The following PFKFB3 variants were observed in gnomAD, a reference collection of about 807,000 sequenced individuals.
The protein encoded by PFKFB3 is 6-phosphofructo-2-kinase/fructose-2,6-bisphosphatase 3.
PFKFB3 carries 33 observed loss-of-function variants against 68.0 expected under a neutral mutation model. That is an observed-to-expected ratio of 0.49 (90% CI 0.37 to 0.65). The LOEUF (loss-of-function observed/expected upper bound fraction) is 0.65. Ranked by LOEUF, PFKFB3 falls within the 30% of genes least tolerant of loss-of-function variation. PFKFB3 has a pLI of 0.00. For missense variants in PFKFB3, 586 were observed against 712.2 expected (o/e 0.82, Z 2.02); for synonymous variants, 315 against 288.2 (o/e 1.09, Z -0.94).
chr10:6,311,782 T>C, the PFKFB3 span, among the ~76,000 whole-genome samples: 1 of 151,978 alleles, frequency 6.6e-6, no homozygotes, highest in African/African-American at 2.4e-5. Context: ...AGAAAATGCT[T>C]TGTAAAGGCA....
chr10:6,311,495 G>A, the PFKFB3 span, among the ~76,000 whole-genome samples: 2 of 141,738 alleles, frequency 1.4e-5, no homozygotes, highest in African/African-American at 5.0e-5. Context: ...GGCTCTCTGG[G>A]CCCAGCACTC....
downstream of PFKFB3, among the ~76,000 whole-genome samples, chr10:6,256,616 G>C (rs1315999184): frequency 6.6e-6 from 1 of 152,200 alleles, no homozygotes; most frequent in African/African-American, 2.4e-5. Context: ...TTCATTCATT[G>C]CCCTGGAAAG....
At chr10:6,305,005 A>ATTTTTTTTTTTTTTTTTTTTTTTTTTTTT in the PFKFB3 span, among the ~76,000 whole-genome samples, 2 of 14,514 alleles carry the variant, frequency 1.4e-4, no homozygotes, top group African/African-American at 3.6e-4. Context: ...AATATTAGGA[A>ATTTTTTTTTTTTTTTTTTTTTTTTTTTTT]TTTTTTTTTT....
downstream of PFKFB3, among the ~76,000 whole-genome samples, chr10:6,240,197 G>A (rs184807796): frequency 5.8e-4 from 89 of 152,262 alleles, no homozygotes; most frequent in Middle Eastern, 3.4e-3. Flanking sequence ...TTTCTTACAT[G>A]TACAAGAAAG....
At position 6,220,964 on chromosome 10, in the gene PFKFB3, T is replaced by A; in HGVS notation, c.831+99T>A. 2 of 1,171,342 alleles carry A rather than the reference T, an allele frequency of 1.7e-6. No individual in the cohort carries two copies. The highest frequency in any genetic ancestry group is 1.2e-5 in the South Asian group (1 of 81,404). 72.6% of individuals were successfully genotyped at this position (1,171,342 alleles called of 1,614,324 possible). ...TGTGTGCTGCTGCTGCTGCTGCTGC[T>A]GCTGCTTGGTGTGCTTGCTGTGTGT... On this transcript the variant is annotated intron_variant, in intron 8 of 14. Transcript: ENST00000379775. The surrounding 1 kb of genome is among the most constrained non-coding windows in gnomAD (Gnocchi z 4.1).
intron 1 of PFKFB3, among the ~76,000 whole-genome samples, chr10:6,170,698 G>A (rs76331212): frequency 3.3e-5 from 1 of 30,166 alleles, no homozygotes; most frequent in Non-Finnish European, 2.3e-4. Context: ...ATGGAGGTGG[G>A]GACAGGGTAT....
intron 13 of PFKFB3, chr10:6,225,231 A>C (rs1845260941): frequency 2.2e-6 from 1 of 456,100 alleles, no homozygotes; most frequent in African/African-American, 2.0e-5. Flanking sequence ...ACTTTCTGTC[A>C]TGGCGTTCCC....
the PFKFB3 span, among the ~76,000 whole-genome samples, chr10:6,261,101 G>A: frequency 6.6e-6 from 1 of 152,200 alleles, no homozygotes; most frequent in Non-Finnish European, 1.5e-5. Context: ...CGTAGTGGTG[G>A]TATCTCTTCA....
intron 13 of PFKFB3, chr10:6,225,374 G>A (rs1217095028): frequency 1.1e-5 from 4 of 372,952 alleles, no homozygotes; most frequent in Non-Finnish European, 1.6e-5. Context: ...TCCCTTGGCC[G>A]CCTTGGTCCC....
At chr10:6,270,218 A>C in the PFKFB3 span, among the ~76,000 whole-genome samples, 6 of 152,180 alleles carry the variant, frequency 3.9e-5, no homozygotes, top group Non-Finnish European at 7.3e-5. Flanking sequence ...TGGGACAAGA[A>C]TTCTGTGCTC....
Position 6,229,591 on chromosome 10 carries a change from C to A in PFKFB3, c.1515+3226C>A, listed in dbSNP as rs1845598615. Among the ~76,000 whole-genome samples the A allele has an allele frequency of 6.6e-6, 1 of 151,918 alleles. No individual in the cohort carries two copies. Among genetic ancestry groups the A allele is most frequent in the Non-Finnish European group, 1.5e-5 (1 of 68,034 alleles). The stretch of plus-strand genomic sequence containing the variant: ...TGGGCCTGCCCTTAACTTCCAGCTT[C>A]TTGGGGCGCACCCTCCATCCTCAGG... On this transcript the variant is annotated intron_variant, in intron 14 of 14. Coordinates refer to ENST00000379775, the MANE Select transcript of PFKFB3 (RefSeq NM_004566.4). The surrounding 1 kb of genome is among the most constrained non-coding windows in gnomAD (Gnocchi z 4.3).
rs2132044924 is a variant in PFKFB3 at position 6,231,180 on chromosome 10, A to G, written c.1516-1715A>G. 20 of 989,806 alleles carry G rather than the reference A, an allele frequency of 2.0e-5. No individual in the cohort carries two copies. The South Asian group carries it at 2.2e-4, about 11-fold the overall frequency. The allele number at this position is 989,806 out of a possible 1,614,324, so 61.3% of individuals were successfully genotyped here. A position where few individuals can be genotyped will look rare whatever the true frequency, so the allele number is the denominator to read the frequency against. ...CCTTCATTTTTAAAATTTCAAATGC[A>G]CACTAGAAAATCCTACTAAAGATTT... On this transcript the variant is annotated intron_variant, in intron 14 of 14. Transcript: ENST00000379775.
downstream of PFKFB3, among the ~76,000 whole-genome samples, chr10:6,255,414 G>A (rs1846481572): frequency 6.6e-6 from 1 of 152,230 alleles, no homozygotes; most frequent in Non-Finnish European, 1.5e-5. Flanking sequence ...GTGAGCCATC[G>A]CAACTGGCCC....
At chr10:6,155,092 G>C (rs1841728591) in intron 1 of PFKFB3, among the ~76,000 whole-genome samples, 1 of 152,226 alleles carries the variant, frequency 6.6e-6, no homozygotes, top group Non-Finnish European at 1.5e-5. Flanking sequence ...TGGACAATGG[G>C]GGCTGATGCT....
chr10:6,146,468 C>T, intron 1 of PFKFB3: 1 of 1,535,642 alleles, frequency 6.5e-7, no homozygotes, highest in Non-Finnish European at 8.7e-7. Context: ...GTCCCAAGGC[C>T]ACTGTCTTCG....
downstream of PFKFB3, among the ~76,000 whole-genome samples, chr10:6,257,692 C>T (rs2132087294): frequency 6.6e-6 from 1 of 152,222 alleles, no homozygotes; most frequent in Non-Finnish European, 1.5e-5. Flanking sequence ...GGTCACCTTC[C>T]CCAGACACAC....
chr10:6,224,334 GC>G, intron 13 of PFKFB3, 121 bp downstream of exon 13: 1 of 878,852 alleles, frequency 1.1e-6, no homozygotes, highest in South Asian at 1.4e-5. Flanking sequence ...GGGGCCATGG[GC>G]CTGCTGGCTG....
At chr10:6,188,603 T>A (rs1268276650) in intron 1 of PFKFB3, among the ~76,000 whole-genome samples, 3 of 152,018 alleles carry the variant, frequency 2.0e-5, no homozygotes, top group Non-Finnish European at 4.4e-5. Context: ...CCTTTTCATC[T>A]TATAAAACTG....
the PFKFB3 span, among the ~76,000 whole-genome samples, chr10:6,301,045 A>G: frequency 6.6e-6 from 1 of 152,188 alleles, no homozygotes; most frequent in Non-Finnish European, 1.5e-5. Flanking sequence ...GGAAGCTGCC[A>G]TCTTGCAGAA....
Sources: allele counts gnomAD v4.1 joint callset (sites outside exome capture counted in the v4.1 genomes callset), GRCh38; gene constraint gnomAD v4.1.1; non-coding constraint Gnocchi (gnomAD v3.1); transcripts MANE v1.5; gene names NCBI Gene and HGNC (gene_info 2026-07-23, HGNC 2026-07-21).